Variants in SLC5A11 observed in about 807,000 individuals in gnomAD.
SLC5A11 encodes sodium/myo-inositol cotransporter 2.
SLC5A11 carries 48 observed loss-of-function variants against 69.8 expected under a neutral mutation model. The ratio of observed to expected loss-of-function variants is 0.69; its 90% CI spans 0.55 to 0.87. The LOEUF is 0.87. SLC5A11 is among the 40% of genes least tolerant of loss of function. The pLI, the probability that SLC5A11 is intolerant of heterozygous loss-of-function variation, is 0.00. For synonymous variants in SLC5A11, 319 were observed against 342.4 expected, an observed-to-expected ratio of 0.93 and a Z score of 0.75; for missense variants, 784 against 866.1, an observed-to-expected ratio of 0.91 and a Z score of 1.19.
intron 9 of SLC5A11, among the ~76,000 whole-genome samples, chr16:24,896,033 A>C (rs1192440262): frequency 6.6e-6 from 1 of 150,454 alleles, no homozygotes; most frequent in East Asian, 1.9e-4. Flanking sequence ...TTTATGTGGA[A>C]AAAATTGTTT....
intron 8 of SLC5A11, among the ~76,000 whole-genome samples, chr16:24,889,318 C>A (rs914334109): frequency 1.3e-5 from 2 of 151,826 alleles, no homozygotes; most frequent in African/African-American, 4.8e-5. Context: ...TCCATCTCTA[C>A]AAAAAACTTT....
intron 7 of SLC5A11, among the ~76,000 whole-genome samples, chr16:24,878,917 C>T (rs901852580): frequency 1.3e-5 from 2 of 152,146 alleles, no homozygotes; most frequent in African/African-American, 2.4e-5. Context: ...TGCCTGTAAT[C>T]CCAGCTACTC....
At chr16:24,876,735 C>T (rs2047699452) in intron 6 of SLC5A11, among the ~76,000 whole-genome samples, 1 of 152,150 alleles carries the variant, frequency 6.6e-6, no homozygotes, top group Non-Finnish European at 1.5e-5. Context: ...AGTTACATCC[C>T]AGGAGGAACT....
chr16:24,870,104 A>C (rs2047178195), intron 4 of SLC5A11, 99 bp downstream of exon 5: 3 of 864,946 alleles, frequency 3.5e-6, no homozygotes, highest in Admixed American at 4.3e-5. Context: ...TAAAAATAGA[A>C]TGGTGGGGCC....
At chr16:24,898,015 T>C in exon 10 of SLC5A11, 1 of 1,614,178 alleles carries the variant, frequency 6.2e-7, no homozygotes, top group African/African-American at 1.3e-5. Flanking sequence ...ACCTGTCCCA[T>C]GCCAAAGGAG....
intron 3 of SLC5A11, among the ~76,000 whole-genome samples, chr16:24,864,753 TAAAGA>T (rs1402376824): frequency 1.3e-5 from 2 of 152,104 alleles, no homozygotes; most frequent in African/African-American, 2.4e-5. Context: ...TCTTGAAGAC[TAAAGA>T]AAAGTATGAG....
chr16:24,865,700 T>C (rs1337084249), intron 3 of SLC5A11, among the ~76,000 whole-genome samples: 1 of 152,094 alleles, frequency 6.6e-6, no homozygotes, highest in African/African-American at 2.4e-5. Flanking sequence ...AATGTATACA[T>C]TCCTAGACTT....
intron 1 of SLC5A11, among the ~76,000 whole-genome samples, chr16:24,856,554 C>T (rs1198242762): frequency 6.9e-6 from 1 of 144,562 alleles, no homozygotes; most frequent in African/African-American, 2.6e-5. Flanking sequence ...GAGATCGAGA[C>T]CATCCTGGCT....
rs187722437 is a variant in SLC5A11, at chr16:24,880,764, G to A, written c.584-3287G>A. ...TCCCACCAGGACCCTCCCCCAACAC[G>A]CGGGGATTACAATTCAACATGAGAT... On this transcript the variant is annotated intron_variant, in intron 7 of 15. Coordinates refer to ENST00000347898, the Ensembl canonical transcript of SLC5A11. Among the ~76,000 whole-genome samples, 26 of 152,132 alleles carry A rather than the reference G, an allele frequency of 1.7e-4. No individual in the cohort carries two copies. The East Asian group carries it at 4.2e-3, about 25-fold the overall frequency.
intron 3 of SLC5A11, among the ~76,000 whole-genome samples, chr16:24,868,769 TTCTC>T (rs2047081877): frequency 6.6e-6 from 1 of 151,416 alleles, no homozygotes; most frequent in Non-Finnish European, 1.5e-5. Flanking sequence ...TCTTTCACAA[TTCTC>T]TCTCCTCTCT....
At chr16:24,896,713 G>A (rs2049189565) in intron 9 of SLC5A11, among the ~76,000 whole-genome samples, 1 of 152,116 alleles carries the variant, frequency 6.6e-6, no homozygotes, top group South Asian at 2.1e-4. Flanking sequence ...CTTGCCCAAG[G>A]TCAGATAGGC....
intron 5 of SLC5A11, among the ~76,000 whole-genome samples, 164 bp from the exon 7 acceptor site, chr16:24,875,463 G>T (rs1198056209): frequency 6.6e-6 from 1 of 152,130 alleles, no homozygotes; most frequent in Admixed American, 6.5e-5. Context: ...AACCAACTGT[G>T]CTGGGCCCCT....
At chr16:24,902,089 G>T (rs537168027) in intron 10 of SLC5A11, among the ~76,000 whole-genome samples, 1 of 152,132 alleles carries the variant, frequency 6.6e-6, no homozygotes, top group Admixed American at 6.6e-5. Flanking sequence ...TCCAGACTGG[G>T]TGACAAAGTG....
intron 1 of SLC5A11, among the ~76,000 whole-genome samples, chr16:24,849,653 T>C (rs1389672901): frequency 2.2e-5 from 3 of 138,948 alleles, no homozygotes; most frequent in African/African-American, 8.0e-5. Flanking sequence ...GGCATTTGGA[T>C]GGACAGGTCT....
chr16:24,907,860 T>C (rs1021809472), intron 12 of SLC5A11, 103 bp from the exon 14 acceptor site: 1 of 1,495,990 alleles, frequency 6.7e-7, no homozygotes, highest in African/African-American at 1.4e-5. Context: ...CACCCCGGCC[T>C]TGGCAACAGA....
chr16:24,849,010 AT>A (rs1477217928), intron 1 of SLC5A11, among the ~76,000 whole-genome samples: 1 of 152,164 alleles, frequency 6.6e-6, no homozygotes, highest in Non-Finnish European at 1.5e-5. Context: ...TGAGAAAGAG[AT>A]GCTATAAATT....
At chr16:24,856,966 A>T (rs905795609) in intron 1 of SLC5A11, among the ~76,000 whole-genome samples, 10 of 151,916 alleles carry the variant, frequency 6.6e-5, no homozygotes, top group Non-Finnish European at 1.5e-4. Context: ...GACTACAGGC[A>T]TGCGCCACCA....
intron 1 of SLC5A11, among the ~76,000 whole-genome samples, chr16:24,854,971 G>GTGTT (rs951364187): frequency 1.1e-4 from 16 of 151,826 alleles, no homozygotes; most frequent in African/African-American, 7.3e-5. Flanking sequence ...GTGTGTGTGT[G>GTGTT]TGTTTGTTTG....
chr16:24,908,220 A>G, intron 13 of SLC5A11, 89 bp downstream of exon 14: 2 of 1,437,710 alleles, frequency 1.4e-6, no homozygotes, highest in Non-Finnish European at 9.3e-7. Context: ...TTGGAGGGAG[A>G]CACAGGCTGG....
Sources: allele counts gnomAD v4.1 joint callset (sites outside exome capture counted in the v4.1 genomes callset), GRCh38; gene constraint gnomAD v4.1.1; transcripts MANE v1.5; gene names NCBI Gene and HGNC (gene_info 2026-07-23, HGNC 2026-07-21).